The following SAFB2 variants were observed in gnomAD, a reference collection of about 807,000 sequenced individuals.
SAFB2 encodes scaffold attachment factor B2.
Under a neutral mutation model 100.6 loss-of-function variants are expected in SAFB2, and 32 were observed. The observed-to-expected ratio is 0.32, with a 90% confidence interval of 0.24 to 0.43. The LOEUF (loss-of-function observed/expected upper bound fraction) is 0.43, where lower values mean the gene tolerates loss of function less well. Ranked by LOEUF, SAFB2 falls within the 20% of genes least tolerant of loss-of-function variation. SAFB2 has a pLI of 1.00. For synonymous variants in SAFB2, 500 were observed against 439.4 expected (o/e 1.14, Z -1.72); for missense variants, 1,185 against 1,163.4 (o/e 1.02, Z -0.27).
intron 2 of SAFB2, among the ~76,000 whole-genome samples, 157 bp from the exon 3 acceptor site, chr19:5,616,643 C>CTTTTTTTTTTT (rs60033130): frequency 1.2e-4 from 9 of 72,800 alleles, no homozygotes; most frequent in Admixed American, 2.1e-4. Context: ...AATTTGTTTT[C>CTTTTTTTTTTT]TTTTTTTTTT....
At chr19:5,593,406 C>T (rs932894402) in intron 15 of SAFB2, among the ~76,000 whole-genome samples, 1 of 152,176 alleles carries the variant, frequency 6.6e-6, no homozygotes, top group Admixed American at 6.5e-5. Context: ...TGAAGGGTGA[C>T]TGTCAATTAA....
At position 5,604,884 on chromosome 19, in the gene SAFB2, T is replaced by A. The variant is rs999652549; in HGVS notation, c.1349A>T (p.Tyr450Phe). Residue 450 changes from tyrosine to phenylalanine, a missense_variant, in exon 10 of 21, where the codon TAT becomes TTT. Tyr to Phe is a conservative substitution (Grantham distance 22). This residue lies in a region of SAFB2 where 94 missense variants were observed against 135.1 expected (regional missense o/e 0.70). Transcript: ENST00000252542. Reference protein sequence around the residue: ...TNARSPGARCYGFVTMSTSDE... With the variant: ...TNARSPGARCFGFVTMSTSDE... ...AGATGTCGACATGGTGACGAATCCA[T>A]AGCATCGAGCCCCCGGGCTGCGGGC... The A allele has an allele frequency of 1.2e-6, 2 of 1,613,996 alleles. No individual in the cohort carries two copies. The highest frequency in any genetic ancestry group is 2.7e-5 in the African/African-American group (2 of 74,920).
intron 4 of SAFB2, among the ~76,000 whole-genome samples, chr19:5,614,213 G>A (rs529562805): frequency 3.3e-4 from 50 of 152,192 alleles, no homozygotes; most frequent in East Asian, 1.5e-3. Flanking sequence ...TCAGCCTCCC[G>A]GAGTGTTGGG....
intron 6 of SAFB2, 87 bp downstream of exon 6, chr19:5,612,453 T>C (rs2052928453): frequency 1.6e-6 from 2 of 1,257,972 alleles, no homozygotes; most frequent in African/African-American, 2.9e-5. Flanking sequence ...ATTTACAAGA[T>C]CATAACACAG....
At position 5,594,070 on chromosome 19, in the gene SAFB2, C is replaced by T; in HGVS notation, c.2028G>A (p.Arg676=). The part of the protein sequence containing the change: ...ERLQLECQRQ[R]LERERMERER... Reference sequence around the variant, plus strand: ...CCCGCTCCATGCGCTCCCGCTCCAGCCGCTGGCGCTGGCACTCGAGCTGCA... The same window carrying T: ...CCCGCTCCATGCGCTCCCGCTCCAGTCGCTGGCGCTGGCACTCGAGCTGCA... Residue 676 remains arginine (R), a synonymous_variant, in exon 15 of 21, where the codon CGG becomes CGA. Transcript: ENST00000252542. 1 of 1,593,592 alleles carries T rather than the reference C, an allele frequency of 6.3e-7. No individual in the cohort carries two copies. Among genetic ancestry groups the T allele is most frequent in the Non-Finnish European group, 8.5e-7 (1 of 1,175,100 alleles).
intron 8 of SAFB2, 69 bp from the exon 9 acceptor site, chr19:5,610,164 C>T (rs552515964): frequency 1.0e-5 from 13 of 1,298,830 alleles, no homozygotes; most frequent in Admixed American, 3.6e-5. Context: ...TTCTTAAGAC[C>T]GCAGCCCTCT....
Position 5,598,553 on chromosome 19 carries a change from T to C in SAFB2, c.1782+240A>G, listed in dbSNP as rs111705481. 459 of 542,772 alleles carry C rather than the reference T, an allele frequency of 8.5e-4. 3 individuals are homozygous for C. Among genetic ancestry groups the C allele is most frequent in the African/African-American group, 7.3e-3 (386 of 52,626 alleles). 33.6% of individuals were successfully genotyped at this position (542,772 alleles called of 1,614,324 possible). On this transcript the variant is annotated intron_variant, in intron 13 of 20. Transcript: ENST00000252542. ...AGCTGCCGTGTGAACCAATGCTCTG[T>C]CTGAAGGCGGCACATCCCGGTCAGG... is the stretch of plus-strand genomic sequence containing the variant.
chr19:5,612,692 C>T (rs1289145826), intron 5 of SAFB2, 125 bp from the exon 6 acceptor site: 1 of 731,514 alleles, frequency 1.4e-6, no homozygotes, highest in Admixed American at 2.4e-5. Flanking sequence ...TTTCTTGTCT[C>T]CAAAAAATGT....
At chr19:5,593,790 C>T in intron 15 of SAFB2, 101 bp downstream of exon 15, 1 of 1,247,990 alleles carries the variant, frequency 8.0e-7, no homozygotes, top group African/African-American at 1.6e-5. Flanking sequence ...ATTTCATTCT[C>T]CCCACCGACA....
At chr19:5,601,668 C>T (rs1203090815) in intron 11 of SAFB2, among the ~76,000 whole-genome samples, 4 of 151,696 alleles carry the variant, frequency 2.6e-5, no homozygotes, top group Non-Finnish European at 5.9e-5. Flanking sequence ...GCCGAGATGG[C>T]GCCACTGCAC....
chr19:5,610,112 A>G lies in SAFB2; in HGVS notation c.1196-17T>C. ...CGACCCGACCTGGCACGAGAGGGAG[A>G]TTCTTAGGCATCACCCCAAGGCCTA... On this transcript the variant is annotated splice_polypyrimidine_tract_variant and intron_variant, in intron 8 of 20. Coordinates refer to ENST00000252542, the MANE Select transcript of SAFB2 (RefSeq NM_014649.3). 1 of 1,608,540 alleles carries G rather than the reference A, an allele frequency of 6.2e-7. No homozygotes were observed. Among genetic ancestry groups the G allele is most frequent in the East Asian group, 2.2e-5 (1 of 44,824 alleles).
At chr19:5,616,095 C>T (rs2053023446) in intron 4 of SAFB2, 37 bp downstream of exon 4, 1 of 1,604,544 alleles carries the variant, frequency 6.2e-7, no homozygotes, top group Non-Finnish European at 8.5e-7. Context: ...TGCCTCGGGG[C>T]TATGGGCACA....
At chr19:5,613,643 C>A in intron 4 of SAFB2, 116 bp from the exon 5 acceptor site, 6 of 1,504,250 alleles carry the variant, frequency 4.0e-6, no homozygotes, top group Admixed American at 2.1e-5. Flanking sequence ...TTGCCATCTG[C>A]AAGTCTACTG....
chr19:5,610,264 G>C (rs1303167140), intron 8 of SAFB2, 169 bp from the exon 9 acceptor site: 1 of 615,906 alleles, frequency 1.6e-6, no homozygotes, highest in African/African-American at 1.8e-5. Flanking sequence ...TGAAAATCTG[G>C]ACAGCAAAAA....
chr19:5,619,193 T>G (rs1307997513), intron 2 of SAFB2, among the ~76,000 whole-genome samples: 1 of 152,168 alleles, frequency 6.6e-6, no homozygotes, highest in African/African-American at 2.4e-5. Flanking sequence ...CTCTTGTGCT[T>G]TATCCATTAG....
rs1292920999 is a variant in SAFB2, at chr19:5,587,680, T to C, written c.2705+21A>G. 3 of 1,539,128 alleles carry C rather than the reference T, an allele frequency of 1.9e-6. No homozygotes were observed. The African/African-American group carries it at 4.2e-5, about 21-fold the overall frequency. On this transcript the variant is annotated intron_variant, in intron 20 of 20. Transcript: ENST00000252542. The surrounding 1 kb of genome is among the most constrained non-coding windows in gnomAD (Gnocchi z 4.9). ...GAGGAGCAGGAGTGAACCACCGTCC[T>C]CCACGGACGACACACCTTACCCCGC... is the stretch of plus-strand genomic sequence containing the variant.
intron 11 of SAFB2, among the ~76,000 whole-genome samples, chr19:5,601,711 A>AAGAT (rs1555687714): frequency 6.9e-6 from 1 of 144,748 alleles, no homozygotes; most frequent in Non-Finnish European, 1.5e-5. Context: ...ACTCCATCTC[A>AAGAT]AAATAAATAA....
At position 5,600,551 on chromosome 19, in the gene SAFB2, G is replaced by A. The variant is rs1000824449; in HGVS notation, c.1560-291C>T. 3.3e-5 allele frequency among the ~76,000 whole-genome samples: 5 copies of A among 152,196 alleles called. No individual in the cohort carries two copies. The East Asian group carries it at 7.7e-4, about 23-fold the overall frequency. On this transcript the variant is annotated intron_variant, in intron 11 of 20. Transcript: ENST00000252542. ...GCTAGCACGCAAGAGTGGTGTGCAG[G>A]TGGACATGAGAAACACGCCAACTAC...
intron 2 of SAFB2, among the ~76,000 whole-genome samples, chr19:5,618,980 G>A (rs554066492): frequency 6.6e-6 from 1 of 152,334 alleles, no homozygotes; most frequent in East Asian, 1.9e-4. Context: ...GATTTATAAT[G>A]AGGACACTTT....
Sources: gnomAD v4.1 joint callset for allele counts (sites outside exome capture counted in the v4.1 genomes callset) on GRCh38, gnomAD v4.1.1 for gene constraint, gnomAD v4.1.1 regional missense constraint, Gnocchi (gnomAD v3.1) non-coding constraint, MANE v1.5 for transcripts, NCBI Gene and HGNC (gene_info 2026-07-23, HGNC 2026-07-21) for gene names.